Variants in PPP6R3 observed in about 807,000 individuals in gnomAD.
The protein encoded by PPP6R3 is serine/threonine-protein phosphatase 6 regulatory subunit 3.
A neutral mutation model predicts 110.7 loss-of-function variants in PPP6R3; 38 were observed. The observed-to-expected ratio is 0.34, with a 90% CI of 0.26 to 0.45. The LOEUF (loss-of-function observed/expected upper bound fraction) is 0.45, where lower values mean the gene tolerates loss of function less well. Ranked by LOEUF, PPP6R3 falls within the 20% of genes least tolerant of loss-of-function variation. PPP6R3 has a pLI of 1.00. For synonymous variants in PPP6R3, 369 were observed against 373.5 expected (o/e 0.99, Z 0.14); for missense variants, 870 against 1,062.4 (o/e 0.82, Z 2.52).
At chr11:68,468,308 T>A (rs977528553) in intron 1 of PPP6R3, among the ~76,000 whole-genome samples, 2 of 152,224 alleles carry the variant, frequency 1.3e-5, no homozygotes, top group Non-Finnish European at 2.9e-5. Flanking sequence ...CACTGTATAG[T>A]AGTTGAGGAG....
intron 15 of PPP6R3, among the ~76,000 whole-genome samples, chr11:68,584,518 AG>A (rs1184711125): frequency 6.6e-6 from 1 of 152,258 alleles, no homozygotes; most frequent in Non-Finnish European, 1.5e-5. Context: ...TACAGCTTTA[AG>A]AAAAAGAACA....
At chr11:68,503,435 G>C (rs2099058827) in intron 1 of PPP6R3, among the ~76,000 whole-genome samples, 2 of 152,326 alleles carry the variant, frequency 1.3e-5, no homozygotes, top group South Asian at 4.1e-4. Context: ...GGGAGCCTCT[G>C]TGTTATCAGT....
At chr11:68,533,764 G>T (rs181544167) in intron 2 of PPP6R3, among the ~76,000 whole-genome samples, 4 of 121,888 alleles carry the variant, frequency 3.3e-5, no homozygotes, top group Admixed American at 8.1e-5. Flanking sequence ...AATTGCTAAA[G>T]AATTCCTTTT....
chr11:68,574,630 T>C (rs191267760), intron 13 of PPP6R3, among the ~76,000 whole-genome samples: 3 of 152,342 alleles, frequency 2.0e-5, no homozygotes, highest in Admixed American at 2.0e-4. Flanking sequence ...ATTAAGTTTC[T>C]TTAACTGGAA....
At chr11:68,599,971 A>G (rs2099626229) in intron 19 of PPP6R3, among the ~76,000 whole-genome samples, 1 of 152,180 alleles carries the variant, frequency 6.6e-6, no homozygotes, top group Non-Finnish European at 1.5e-5. Context: ...AAATACAAAA[A>G]ATTAGCCAGG....
chr11:68,583,519 AGTAAACT>A (rs573945182), intron 15 of PPP6R3, among the ~76,000 whole-genome samples: 1 of 152,224 alleles, frequency 6.6e-6, no homozygotes, highest in Non-Finnish European at 1.5e-5. Context: ...TGTAAGTAAA[AGTAAACT>A]CTCACGAATA....
At chr11:68,612,150 G>A (rs1566232702) in intron 23 of PPP6R3, among the ~76,000 whole-genome samples, 3 of 152,338 alleles carry the variant, frequency 2.0e-5, no homozygotes, top group South Asian at 2.1e-4. Context: ...GCTTGTTTAA[G>A]TGAAGGCAAG....
At chr11:68,505,504 A>T (rs1358761820) in intron 1 of PPP6R3, among the ~76,000 whole-genome samples, 3 of 151,448 alleles carry the variant, frequency 2.0e-5, no homozygotes, top group African/African-American at 7.4e-5. Flanking sequence ...ATTTAGAGAG[A>T]TAGGGTCTTG....
At chr11:68,600,773 A>C (rs368942014) in intron 20 of PPP6R3, among the ~76,000 whole-genome samples, 46 of 152,336 alleles carry the variant, frequency 3.0e-4, no homozygotes, top group African/African-American at 1.1e-3. Flanking sequence ...GACGCAGCAG[A>C]AGATGCATCT....
chr11:68,466,433 CTT>C (rs906791744), intron 1 of PPP6R3, among the ~76,000 whole-genome samples: 6 of 125,386 alleles, frequency 4.8e-5, no homozygotes, highest in Admixed American at 1.6e-4. Flanking sequence ...AGGACATTTT[CTT>C]TTTTTTTTTT....
intron 19 of PPP6R3, among the ~76,000 whole-genome samples, chr11:68,597,723 A>G (rs1024419658): frequency 4.0e-5 from 6 of 151,314 alleles, no homozygotes; most frequent in African/African-American, 1.5e-4. Context: ...CAGGCCTGTA[A>G]TCCCAGCACT....
At position 68,590,642 on chromosome 11, in the gene PPP6R3, T is replaced by A. The variant is rs1253602785; in HGVS notation, c.1731-18T>A. 2.1e-5 allele frequency: 19 copies of A among 892,938 alleles called. No homozygotes were observed. Among genetic ancestry groups the A allele is most frequent in the Non-Finnish European group, 3.0e-5 (19 of 631,076 alleles). The allele number at this position is 892,938 out of a possible 1,614,324, so 55.3% of individuals were successfully genotyped here. A position where few individuals can be genotyped will look rare whatever the true frequency, so the allele number is the denominator to read the frequency against. ...TAGTAATTAATGCTTCCTACACTTT[T>A]ATTTTGTTTTTTTACAGTGTTTCTT... is the stretch of plus-strand genomic sequence containing the variant. On this transcript the variant is annotated intron_variant, in intron 16 of 23. Transcript: ENST00000393800.
At chr11:68,612,865 G>C in intron 23 of PPP6R3, 1 of 1,028,796 alleles carries the variant, frequency 9.7e-7, no homozygotes, top group African/African-American at 1.6e-5. Flanking sequence ...CTGCTCACCC[G>C]GTGATGAAGC....
intron 8 of PPP6R3, among the ~76,000 whole-genome samples, chr11:68,563,957 G>T (rs2099442632): frequency 6.6e-6 from 1 of 152,146 alleles, no homozygotes; most frequent in South Asian, 2.1e-4. Context: ...GGCAATTTGG[G>T]GTGCCCTATA....
intron 1 of PPP6R3, among the ~76,000 whole-genome samples, chr11:68,509,113 C>T (rs964584106): frequency 2.6e-5 from 4 of 152,162 alleles, no homozygotes; most frequent in African/African-American, 4.8e-5. Flanking sequence ...TTACTCTAAC[C>T]GTGTCCTTTT....
intron 9 of PPP6R3, among the ~76,000 whole-genome samples, chr11:68,566,566 GC>G (rs2099471865): frequency 6.6e-6 from 1 of 152,020 alleles, no homozygotes; most frequent in Admixed American, 6.6e-5. Context: ...TCACCATATT[GC>G]CCAGGCTGGT....
At chr11:68,588,116 C>A in intron 16 of PPP6R3, 92 bp downstream of exon 16, 2 of 1,155,106 alleles carry the variant, frequency 1.7e-6, no homozygotes, top group Non-Finnish European at 2.6e-6. Context: ...TAGTCTTGAG[C>A]ATTCGTGAGT....
At chr11:68,529,334 T>C (rs1474477679) in intron 2 of PPP6R3, among the ~76,000 whole-genome samples, 2 of 152,134 alleles carry the variant, frequency 1.3e-5, no homozygotes, top group African/African-American at 4.8e-5. Context: ...TTCTCCTGCC[T>C]CAACCTCCCA....
At chr11:68,489,726 CATA>C (rs1424237890) in intron 1 of PPP6R3, among the ~76,000 whole-genome samples, 2 of 150,018 alleles carry the variant, frequency 1.3e-5, no homozygotes, top group Non-Finnish European at 3.0e-5. Context: ...TTTTTTAAGA[CATA>C]ATGGTATTGC....
Sources: gnomAD v4.1 joint callset for allele counts (sites outside exome capture counted in the v4.1 genomes callset) on GRCh38, gnomAD v4.1.1 for gene constraint, MANE v1.5 for transcripts, NCBI Gene and HGNC (gene_info 2026-07-23, HGNC 2026-07-21) for gene names.